The following ASB1 variants were observed in gnomAD, a reference collection of about 807,000 sequenced individuals.
ASB1 encodes the protein ankyrin repeat and SOCS box containing 1.
ASB1 carries 18 observed loss-of-function variants against 27.7 expected under a neutral mutation model. The ratio of observed to expected loss-of-function variants is 0.65; its 90% CI spans 0.45 to 0.96. The LOEUF (loss-of-function observed/expected upper bound fraction) is 0.96, where lower values mean the gene tolerates loss of function less well. Among genes scored for constraint, ASB1 ranks in the 50% least tolerant of loss-of-function variants. The pLI, the probability that ASB1 is intolerant of heterozygous loss-of-function variation, is 0.00. For missense variants in ASB1, 397 were observed against 451.7 expected (o/e 0.88, Z 1.10); for synonymous variants, 189 against 187.6 (o/e 1.01, Z -0.06).
In ASB1 at chr2:238,450,235, A is replaced by G. The variant is rs904900775; in HGVS notation, c.*3724A>G. ...GAGTCCTTGTGGCCCACAGCATAGC[A>G]CTGGGGACAGAGCGCTCTATGCAGG... On this transcript the variant is annotated 3_prime_UTR_variant, in exon 5 of 5. Coordinates refer to ENST00000264607, the MANE Select transcript of ASB1 (RefSeq NM_001040445.3). The G allele has an allele frequency of 1.3e-5, 2 of 152,264 alleles. No homozygotes were observed. Among genetic ancestry groups the G allele is most frequent in the Non-Finnish European group, 2.9e-5 (2 of 68,070 alleles). The allele number at this position is 152,264 out of a possible 1,614,324, so 9.4% of individuals were successfully genotyped here.
chr2:238,439,574 C>G (rs940717905), intron 3 of ASB1, among the ~76,000 whole-genome samples: 1 of 152,168 alleles, frequency 6.6e-6, no homozygotes, highest in Non-Finnish European at 1.5e-5. Context: ...ATTGTCCTTT[C>G]CTATTACAAA....
intron 2 of ASB1, 88 bp downstream of exon 2, chr2:238,433,783 G>C: frequency 6.8e-7 from 1 of 1,468,724 alleles, no homozygotes; most frequent in Non-Finnish European, 9.3e-7. Flanking sequence ...TGCAGATGAA[G>C]ACCTTGATGT....
In ASB1 at chr2:238,435,788, A is replaced by G. The variant is rs866942021; in HGVS notation, c.269A>G (p.His90Arg). Residue 90 changes from histidine (H) to arginine (R), a missense_variant, in exon 3 of 5, where the codon CAT (histidine) becomes CGT (arginine). Physicochemically the swap from His to Arg is conservative, Grantham distance 29. Coordinates refer to ENST00000264607, the MANE Select transcript of ASB1 (RefSeq NM_001040445.3). ...TTGCGAATCGCGGCCACTGCAGGCC[A>G]TGGGAGCTGTGTGGACTTCCTCATC... ...TPLRIAATAG[H>R]GSCVDFLIRK... 7 of 1,614,050 alleles carry G rather than the reference A, an allele frequency of 4.3e-6. 1 individual carries two copies. In the Middle Eastern group the frequency reaches 4.9e-4, roughly 114 times the overall value.
rs1702291706 is a variant in ASB1 at position 238,451,835 on chromosome 2, G to GTTCTTTT, written c.*5331_*5337dup. ...TTGGTATTCGCATTTCAAGAAGGGAGTTCTTTTTTCTTTCTTCTTTCTATG... is the reference window on the plus strand; with the variant it reads ...TTGGTATTCGCATTTCAAGAAGGGAGTTCTTTTTTCTTTTTTCTTTCTTCTTTCTATG... On this transcript the variant is annotated 3_prime_UTR_variant, in exon 5 of 5. Coordinates refer to ENST00000264607, the MANE Select transcript of ASB1 (RefSeq NM_001040445.3). 1 of 152,592 alleles carries GTTCTTTT rather than the reference G, an allele frequency of 6.6e-6. No individual in the cohort carries two copies. Among genetic ancestry groups the GTTCTTTT allele is most frequent in the Non-Finnish European group, 1.5e-5 (1 of 68,038 alleles). 9.5% of individuals were successfully genotyped at this position (152,592 alleles called of 1,614,324 possible). A position where few individuals can be genotyped will look rare whatever the true frequency, so the allele number is the denominator to read the frequency against.
intron 1 of ASB1, among the ~76,000 whole-genome samples, chr2:238,432,866 C>T (rs558676347): frequency 1.1e-3 from 162 of 152,224 alleles, no homozygotes; most frequent in Middle Eastern, 6.8e-3. Context: ...CCTGCCTCAG[C>T]CTCCTGAGTA....
rs1404056250 is a variant in ASB1, at chr2:238,450,571, G to A, written c.*4060G>A. On this transcript the variant is annotated 3_prime_UTR_variant, in exon 5 of 5. Transcript: ENST00000264607. Reference sequence around the variant, plus strand: ...ACGTATTGGTGAGAAATTCCTCTTGGGTTCTTGAACAGCCTGTACGCTGGC... The same window carrying A: ...ACGTATTGGTGAGAAATTCCTCTTGAGTTCTTGAACAGCCTGTACGCTGGC... 11 of 152,186 alleles carry A rather than the reference G, an allele frequency of 7.2e-5. No homozygotes were observed. Among genetic ancestry groups the A allele is most frequent in the Admixed American group, 7.2e-4 (11 of 15,280 alleles). The allele number at this position is 152,186 out of a possible 1,614,324, so 9.4% of individuals were successfully genotyped here.
chr2:238,446,354 T>C (rs1702179655), intron 4 of ASB1, 30 bp from the exon 5 acceptor site: 2 of 1,561,714 alleles, frequency 1.3e-6, no homozygotes, highest in African/African-American at 2.7e-5. Flanking sequence ...AACCTTCCTC[T>C]ATCCCTCTCT....
At chr2:238,428,770 G>A (rs1410794405) in intron 1 of ASB1, among the ~76,000 whole-genome samples, 1 of 152,182 alleles carries the variant, frequency 6.6e-6, no homozygotes, top group Non-Finnish European at 1.5e-5. Context: ...TTTTGAATCT[G>A]GAGCTGGGGA....
intron 1 of ASB1, among the ~76,000 whole-genome samples, chr2:238,427,908 A>G (rs1701792129): frequency 6.6e-6 from 1 of 152,206 alleles, no homozygotes; most frequent in Non-Finnish European, 1.5e-5. Flanking sequence ...TTCCTCTCCT[A>G]CTTAGTAATA....
chr2:238,441,560 C>G (rs1001083682), intron 3 of ASB1, among the ~76,000 whole-genome samples: 1 of 152,314 alleles, frequency 6.6e-6, no homozygotes, highest in South Asian at 2.1e-4. Flanking sequence ...CCTCCTCCCC[C>G]ACAGAAACAG....
chr2:238,446,579 T>C lies in ASB1; in HGVS notation c.*68T>C. The C allele has an allele frequency of 6.3e-7, 1 of 1,580,240 alleles. No individual in the cohort carries two copies. Among genetic ancestry groups the C allele is most frequent in the Non-Finnish European group, 8.6e-7 (1 of 1,159,732 alleles). ...CTGCAGGGAGGTGGACACCGAGCCCTGAGTGCTGTGCTGCTGCTGGTCTCC... is the reference window on the plus strand; with the variant it reads ...CTGCAGGGAGGTGGACACCGAGCCCCGAGTGCTGTGCTGCTGCTGGTCTCC... On this transcript the variant is annotated 3_prime_UTR_variant, in exon 5 of 5. Coordinates refer to ENST00000264607, the MANE Select transcript of ASB1 (RefSeq NM_001040445.3).
chr2:238,427,158 G>A, intron 1 of ASB1, 39 bp downstream of exon 1: 1 of 1,220,426 alleles, frequency 8.2e-7, no homozygotes. Flanking sequence ...GGGCGTGTGG[G>A]GATGGCGAAG....
chr2:238,435,551 G>A (rs565567610), intron 2 of ASB1, among the ~76,000 whole-genome samples, 160 bp from the exon 3 acceptor site: 2 of 152,308 alleles, frequency 1.3e-5, no homozygotes, highest in South Asian at 2.1e-4. Flanking sequence ...CCCCGGTCCC[G>A]CAGGGGAAAG....
At chr2:238,442,023 G>A (rs1292064537) in intron 3 of ASB1, among the ~76,000 whole-genome samples, 1 of 152,096 alleles carries the variant, frequency 6.6e-6, no homozygotes, top group Non-Finnish European at 1.5e-5. Flanking sequence ...GGTGAGAAGT[G>A]ATATCTCAGA....
intron 3 of ASB1, among the ~76,000 whole-genome samples, chr2:238,439,234 G>A (rs1702032484): frequency 6.6e-6 from 1 of 152,148 alleles, no homozygotes; most frequent in Non-Finnish European, 1.5e-5. Flanking sequence ...GAGAGTGGGT[G>A]GTGTTTGTGT....
At position 238,451,093 on chromosome 2, in the gene ASB1, A is replaced by AGGAACGC. The variant is rs1702275132; in HGVS notation, c.*4582_*4583insGGAACGC. On this transcript the variant is annotated 3_prime_UTR_variant, in exon 5 of 5. Coordinates refer to ENST00000264607, the MANE Select transcript of ASB1 (RefSeq NM_001040445.3). The stretch of plus-strand genomic sequence containing the variant: ...CCAAACCCGAACCTCTCAGTGTGGA[A>AGGAACGC]TGAAACAGTTTAGATGTGTACATGA... 7.2e-6 allele frequency: 1 copy of AGGAACGC among 139,012 alleles called. No homozygotes were observed. The highest frequency in any genetic ancestry group is 1.6e-5 in the Non-Finnish European group (1 of 61,734). 8.6% of individuals were successfully genotyped at this position (139,012 alleles called of 1,614,324 possible).
chr2:238,430,455 G>A (rs553595342), intron 1 of ASB1, among the ~76,000 whole-genome samples: 3 of 152,336 alleles, frequency 2.0e-5, no homozygotes, highest in African/African-American at 7.2e-5. Context: ...GTTCTCTTGT[G>A]ATTTCCACTG....
rs76289081 is a variant in ASB1, at chr2:238,446,805, T to G, written c.*294T>G. 0.01 allele frequency: 3,502 copies of G among 334,644 alleles called. 99 individuals are homozygous for G. Among genetic ancestry groups the G allele is most frequent in the African/African-American group, 0.06 (2,724 of 45,484 alleles). 20.7% of individuals were successfully genotyped at this position (334,644 alleles called of 1,614,324 possible). On this transcript the variant is annotated 3_prime_UTR_variant, in exon 5 of 5. Transcript: ENST00000264607. ...GGGTATGTACATGTAGGGGCTGAGG[T>G]TGGAGGCCTACTAATTTCCCTGTAG... is the stretch of plus-strand genomic sequence containing the variant.
At chr2:238,440,527 C>T (rs879585189) in intron 3 of ASB1, among the ~76,000 whole-genome samples, 12 of 152,200 alleles carry the variant, frequency 7.9e-5, no homozygotes, top group Non-Finnish European at 1.6e-4. Context: ...AGCCAGCCCC[C>T]CTTTTGCTGC....
Sources: allele counts gnomAD v4.1 joint callset (sites outside exome capture counted in the v4.1 genomes callset), GRCh38; gene constraint gnomAD v4.1.1; transcripts MANE v1.5; gene names NCBI Gene and HGNC (gene_info 2026-07-23, HGNC 2026-07-21).